Variants in UBR3 observed in about 807,000 individuals in gnomAD.
UBR3 encodes the protein ubiquitin protein ligase E3 component n-recognin 3, also known as E3 ubiquitin-protein ligase UBR3.
UBR3 carries 85 observed loss-of-function variants against 243.2 expected under a neutral mutation model. The observed-to-expected ratio is 0.35, with a 90% confidence interval of 0.29 to 0.42. The LOEUF (loss-of-function observed/expected upper bound fraction) is 0.42. Among genes scored for constraint, UBR3 ranks in the 10% least tolerant of loss-of-function variants. The probability of loss-of-function intolerance (pLI) is 1.00; values close to 1 mark genes in which losing one functional copy is unlikely to be tolerated. For missense variants in UBR3, 1,686 were observed against 2,300.8 expected (o/e 0.73, Z 5.47); for synonymous variants, 748 against 799.8 (o/e 0.94, Z 1.09).
rs879064379 is a variant in UBR3, at chr2:169,845,501, A to ATCG, written c.545+17479_545+17481dup. Among the ~76,000 whole-genome samples, 21 of 93,902 alleles carry ATCG rather than the reference A, an allele frequency of 2.2e-4. 1 individual carries two copies. The highest frequency in any genetic ancestry group is 6.2e-4 in the African/African-American group (20 of 32,442). 61.6% of individuals were successfully genotyped at this position (93,902 alleles called of 152,430 possible). A position where few individuals can be genotyped will look rare whatever the true frequency, so the allele number is the denominator to read the frequency against. The stretch of plus-strand genomic sequence containing the variant: ...GTAATTCCTTTCCCTCTTCGTCGTC[A>ATCG]TCGTCGTCGTCGTCGTCGTCGTCGT... On this transcript the variant is annotated intron_variant, in intron 1 of 38. Transcript: ENST00000272793.
chr2:169,895,325 T>G lies in UBR3; in HGVS notation c.1236+14T>G. The G allele has an allele frequency of 6.6e-7, 1 of 1,523,670 alleles. No individual in the cohort carries two copies. Among genetic ancestry groups the G allele is most frequent in the Non-Finnish European group, 8.8e-7 (1 of 1,139,880 alleles). 94.4% of individuals were successfully genotyped at this position (1,523,670 alleles called of 1,614,324 possible). A position where few individuals can be genotyped will look rare whatever the true frequency, so the allele number is the denominator to read the frequency against. On this transcript the variant is annotated intron_variant, in intron 7 of 38. Transcript: ENST00000272793. The stretch of plus-strand genomic sequence containing the variant: ...CAAGAGTATAAGGTATCTATATATT[T>G]TCCTGCTTTTCTGAACTTAGCTTTT...
At position 169,877,528 on chromosome 2, in the gene UBR3, T is replaced by C. The variant is rs1177484894; in HGVS notation, c.879T>C (p.His293=). The part of the protein sequence containing the change: ...LGENACVKKS[H]EKYLIALKSS... ...AAAATGCTTGTGTAAAGAAAAGTCATGAAAAGTACCTTATAGCTTTAAAGA... is the reference window on the plus strand; with the variant it reads ...AAAATGCTTGTGTAAAGAAAAGTCACGAAAAGTACCTTATAGCTTTAAAGA... The change falls in exon 4 of 39, where the codon CAT becomes CAC. Residue 293 remains histidine (H), a synonymous_variant. Transcript: ENST00000272793. 1 of 1,541,254 alleles carries C rather than the reference T, an allele frequency of 6.5e-7. No individual in the cohort carries two copies. The highest frequency in any genetic ancestry group is 8.7e-7 in the Non-Finnish European group (1 of 1,144,862).
chr2:169,891,112 T>C, intron 5 of UBR3, 53 bp from the exon 6 acceptor site: 1 of 1,363,266 alleles, frequency 7.3e-7, no homozygotes, highest in South Asian at 1.3e-5. Flanking sequence ...ATTTATAAAG[T>C]GTATCAATTT....
In UBR3 at chr2:169,925,614, A is replaced by G. The variant is rs2105346511; in HGVS notation, c.2023-5A>G. The G allele has an allele frequency of 6.5e-7, 1 of 1,539,274 alleles. No homozygotes were observed. The highest frequency in any genetic ancestry group is 8.7e-7 in the Non-Finnish European group (1 of 1,143,384). On this transcript the variant is annotated splice_polypyrimidine_tract_variant and splice_region_variant and intron_variant, in intron 13 of 38. Transcript: ENST00000272793. ...TTTATTCTTTGTCCAATTTACTTTTATTAGGCAAGTCTTGCAGAAATCCAC... is the reference window on the plus strand; with the variant it reads ...TTTATTCTTTGTCCAATTTACTTTTGTTAGGCAAGTCTTGCAGAAATCCAC...
At chr2:169,942,711 A>G in intron 20 of UBR3, 77 bp downstream of exon 20, 2 of 1,329,602 alleles carry the variant, frequency 1.5e-6, no homozygotes, top group South Asian at 2.0e-5. Flanking sequence ...TAATATTTAC[A>G]TAAAAGTACC....
At chr2:170,013,409 C>A (rs746974066) in intron 29 of UBR3, among the ~76,000 whole-genome samples, 8 of 151,918 alleles carry the variant, frequency 5.3e-5, no homozygotes. Context: ...TCAAGTGCAA[C>A]CTGGGCAACA....
intron 1 of UBR3, among the ~76,000 whole-genome samples, chr2:169,854,467 CTTTT>C (rs538507555): frequency 1.7e-4 from 26 of 152,014 alleles, no homozygotes; most frequent in Non-Finnish European, 3.2e-4. Context: ...AGAGTTAACC[CTTTT>C]TTTGTCATTG....
At chr2:169,828,133 C>G (rs965934831) in intron 1 of UBR3, 81 bp downstream of exon 1, 26 of 1,314,866 alleles carry the variant, frequency 2.0e-5, no homozygotes, top group East Asian at 3.1e-5. Context: ...CACTGGGAGC[C>G]CACTCTGAGC....
intron 28 of UBR3, among the ~76,000 whole-genome samples, 161 bp from the exon 29 acceptor site, chr2:170,008,643 G>C (rs1307371373): frequency 1.3e-5 from 2 of 151,878 alleles, no homozygotes; most frequent in Non-Finnish European, 2.9e-5. Flanking sequence ...TTTTTGATTG[G>C]TTTAACTTTG....
At chr2:169,890,019 T>C (rs758847323) in intron 5 of UBR3, among the ~76,000 whole-genome samples, 12 of 152,060 alleles carry the variant, frequency 7.9e-5, no homozygotes, top group Non-Finnish European at 1.3e-4. Context: ...GTTTGGAAAA[T>C]AGGGAAAATA....
chr2:169,928,681 A>T, intron 17 of UBR3, 46 bp from the exon 18 acceptor site: 1 of 1,399,366 alleles, frequency 7.1e-7, no homozygotes, highest in Non-Finnish European at 9.5e-7. Flanking sequence ...AAGGCTATAA[A>T]TCTGGCTTTT....
chr2:169,942,103 G>T (rs959369197), intron 19 of UBR3, among the ~76,000 whole-genome samples: 1 of 152,156 alleles, frequency 6.6e-6, no homozygotes, highest in Admixed American at 6.5e-5. Context: ...GCATTCAAAA[G>T]ATTACATTTA....
intron 24 of UBR3, among the ~76,000 whole-genome samples, chr2:169,979,767 G>C (rs557941899): frequency 6.6e-6 from 1 of 152,166 alleles, no homozygotes; most frequent in Non-Finnish European, 1.5e-5. Context: ...ATGAAACATG[G>C]GAGTTTTTTT....
chr2:170,018,057 A>C (rs2090296154), intron 30 of UBR3, among the ~76,000 whole-genome samples: 1 of 152,172 alleles, frequency 6.6e-6, no homozygotes, highest in Non-Finnish European at 1.5e-5. Context: ...TATATAAGAC[A>C]TATCTCCTGC....
At position 170,061,126 on chromosome 2, in the gene UBR3, G is replaced by C. The variant is rs368987421; in HGVS notation, c.4833G>C (p.Val1611=). The C allele has an allele frequency of 6.2e-7, 1 of 1,600,314 alleles. No homozygotes were observed. The highest frequency in any genetic ancestry group is 1.4e-5 in the African/African-American group (1 of 74,036). The change falls in exon 34 of 39, where the codon GTG becomes GTC. Residue 1611 remains valine (V), a synonymous_variant. Transcript: ENST00000272793. ...EKSYEVLLSF[V]ISELFKGKLY... ...CTTACGAAGTATTACTGAGCTTTGTGATAAGTGAACTATTTAAAGGAAAGT... is the reference window on the plus strand; with the variant it reads ...CTTACGAAGTATTACTGAGCTTTGTCATAAGTGAACTATTTAAAGGAAAGT...
Position 170,081,866 on chromosome 2 carries a change from G to C in UBR3, c.*23G>C, listed in dbSNP as rs771321482. 7.0e-7 allele frequency: 1 copy of C among 1,429,264 alleles called. No individual in the cohort carries two copies. The highest frequency in any genetic ancestry group is 2.5e-5 in the East Asian group (1 of 40,574). The allele number at this position is 1,429,264 out of a possible 1,614,324, so 88.5% of individuals were successfully genotyped here. ...TGACTCTCCACCTCAGCATTGCATC[G>C]TATCATCATTTTCGCTACGAATTTA... is the stretch of plus-strand genomic sequence containing the variant. On this transcript the variant is annotated 3_prime_UTR_variant, in exon 39 of 39. Transcript: ENST00000272793.
intron 14 of UBR3, among the ~76,000 whole-genome samples, chr2:169,925,967 G>A (rs1559100433): frequency 6.6e-6 from 1 of 152,204 alleles, no homozygotes; most frequent in South Asian, 2.1e-4. Flanking sequence ...AGTGAGGGGA[G>A]AGCCTAGGCC....
At chr2:169,926,769 G>A in intron 15 of UBR3, 25 bp downstream of exon 15, 1 of 1,545,334 alleles carries the variant, frequency 6.5e-7, no homozygotes, top group South Asian at 1.2e-5. Flanking sequence ...ATTAAGACAG[G>A]TATTAGGAAG....
chr2:169,961,874 GTTT>G (rs34504571), intron 24 of UBR3, among the ~76,000 whole-genome samples: 1 of 136,840 alleles, frequency 7.3e-6, no homozygotes, highest in Non-Finnish European at 1.5e-5. Context: ...TTTTTCCCAT[GTTT>G]TTTTTTTTTT....
Sources: gnomAD v4.1 joint callset for allele counts (sites outside exome capture counted in the v4.1 genomes callset) on GRCh38, gnomAD v4.1.1 for gene constraint, MANE v1.5 for transcripts, NCBI Gene and HGNC (gene_info 2026-07-23, HGNC 2026-07-21) for gene names.